The following KIAA1217 variants were observed in gnomAD, a reference collection of about 807,000 sequenced individuals.
KIAA1217 encodes the protein KIAA1217.
KIAA1217 carries 88 observed loss-of-function variants against 163.9 expected under a neutral mutation model. That is an observed-to-expected ratio of 0.54 (90% CI 0.45 to 0.64). KIAA1217 has a LOEUF of 0.64. KIAA1217 is among the 30% of genes least tolerant of loss of function. The pLI, the probability that KIAA1217 is intolerant of heterozygous loss-of-function variation, is 0.00. For synonymous variants in KIAA1217, 903 were observed against 923.1 expected, an observed-to-expected ratio of 0.98 and a Z score of 0.39; for missense variants, 2,372 against 2,475.0, an observed-to-expected ratio of 0.96 and a Z score of 0.88.
intron 3 of KIAA1217, among the ~76,000 whole-genome samples, chr10:24,392,564 G>T (rs1591557336): frequency 1.3e-5 from 2 of 152,212 alleles, no homozygotes; most frequent in South Asian, 4.1e-4. Context: ...GGTAACTTCA[G>T]CTGAAGAGGA....
chr10:24,004,529 G>A (rs1013009625), intron 1 of KIAA1217, among the ~76,000 whole-genome samples: 28 of 152,106 alleles, frequency 1.8e-4, no homozygotes, highest in African/African-American at 6.3e-4. Context: ...TCCCCAATTA[G>A]TCTGAATTCT....
chr10:24,400,574 G>T (rs2056407370), intron 3 of KIAA1217, among the ~76,000 whole-genome samples: 1 of 152,274 alleles, frequency 6.6e-6, no homozygotes, highest in South Asian at 2.1e-4. Context: ...CTCCAAAGGG[G>T]ACAAGGAAGT....
intron 8 of KIAA1217, among the ~76,000 whole-genome samples, chr10:24,499,471 G>A (rs539470097): frequency 3.3e-5 from 5 of 152,298 alleles, no homozygotes; most frequent in South Asian, 2.1e-4. Context: ...GGTGGCCCAC[G>A]CCTGTAATCC....
At chr10:23,854,725 T>C (rs942388028) in intron 1 of KIAA1217, among the ~76,000 whole-genome samples, 2 of 152,236 alleles carry the variant, frequency 1.3e-5, no homozygotes, top group African/African-American at 2.4e-5. Flanking sequence ...ATATTTAGGA[T>C]AGTTAGCTCT....
chr10:23,748,836 G>A (rs746121043), intron 1 of KIAA1217, among the ~76,000 whole-genome samples: 7 of 152,024 alleles, frequency 4.6e-5, no homozygotes, highest in Non-Finnish European at 8.8e-5. Flanking sequence ...ATGTAGTAAA[G>A]GCTTTGCTGT....
At chr10:24,247,095 C>T (rs1293240540) in intron 2 of KIAA1217, among the ~76,000 whole-genome samples, 1 of 148,996 alleles carries the variant, frequency 6.7e-6, no homozygotes, top group African/African-American at 2.5e-5. Flanking sequence ...GGCTTAGTCT[C>T]ATAGTCTATC....
At chr10:23,952,192 T>C (rs1449717217) in intron 1 of KIAA1217, among the ~76,000 whole-genome samples, 2 of 152,250 alleles carry the variant, frequency 1.3e-5, no homozygotes, top group East Asian at 3.8e-4. Flanking sequence ...CCATCTGCGA[T>C]CCCAGCATTT....
intron 1 of KIAA1217, among the ~76,000 whole-genome samples, chr10:23,881,880 A>C (rs1840963860): frequency 6.6e-6 from 1 of 151,806 alleles, no homozygotes; most frequent in South Asian, 2.1e-4. Context: ...CATCAACTCC[A>C]TCTTGCCTGG....
At chr10:24,000,542 A>T (rs1442885006) in intron 1 of KIAA1217, among the ~76,000 whole-genome samples, 1 of 152,196 alleles carries the variant, frequency 6.6e-6, no homozygotes, top group Non-Finnish European at 1.5e-5. Flanking sequence ...GTATGTCCTT[A>T]TAGCAGTATG....
intron 1 of KIAA1217, among the ~76,000 whole-genome samples, chr10:23,989,856 AGTGACT>A (rs780541449): frequency 6.6e-6 from 1 of 152,196 alleles, no homozygotes; most frequent in Non-Finnish European, 1.5e-5. Context: ...TGCACACACT[AGTGACT>A]GCACATTGCT....
At chr10:23,927,059 CACCA>C (rs1843050742) in intron 1 of KIAA1217, among the ~76,000 whole-genome samples, 1 of 151,498 alleles carries the variant, frequency 6.6e-6, no homozygotes, top group South Asian at 2.1e-4. Flanking sequence ...AGGCATGTAC[CACCA>C]TGCCTGGCTA....
intron 1 of KIAA1217, among the ~76,000 whole-genome samples, chr10:23,886,037 AC>A (rs1436832458): frequency 2.0e-5 from 3 of 151,828 alleles, no homozygotes; most frequent in Admixed American, 6.6e-5. Context: ...AAACGTACTT[AC>A]GCGTATTTCC....
intron 2 of KIAA1217, among the ~76,000 whole-genome samples, chr10:24,027,795 G>A (rs1208221992): frequency 6.6e-6 from 1 of 152,026 alleles, no homozygotes; most frequent in East Asian, 1.9e-4. Flanking sequence ...AAAGGACTAA[G>A]AATTCCCGGG....
intron 2 of KIAA1217, among the ~76,000 whole-genome samples, chr10:24,329,920 G>A (rs1270069068): frequency 6.6e-6 from 1 of 152,172 alleles, no homozygotes; most frequent in Non-Finnish European, 1.5e-5. Context: ...ATGGAGGCAA[G>A]AAAATCTCTA....
intron 2 of KIAA1217, among the ~76,000 whole-genome samples, chr10:24,140,689 A>G (rs367893354): frequency 6.6e-6 from 1 of 152,154 alleles, no homozygotes; most frequent in Non-Finnish European, 1.5e-5. Context: ...TCCATTTAAT[A>G]TTTTTGAACT....
At chr10:23,699,062 C>T (rs1225653834) in intron 1 of KIAA1217, among the ~76,000 whole-genome samples, 1 of 152,060 alleles carries the variant, frequency 6.6e-6, no homozygotes, top group Non-Finnish European at 1.5e-5. Context: ...TTCTCTCATT[C>T]TCTCTGGCTC....
chr10:24,067,160 G>A (rs7909280), intron 2 of KIAA1217, among the ~76,000 whole-genome samples: 7,137 of 152,102 alleles, frequency 0.047, 242 homozygotes, highest in African/African-American at 0.099. Context: ...GTCATTCCCC[G>A]TCCAGCTTTG....
chr10:23,940,460 C>CAAA (rs760090400), intron 1 of KIAA1217, among the ~76,000 whole-genome samples: 48 of 45,992 alleles, frequency 1.0e-3, no homozygotes, highest in Admixed American at 1.9e-3. Flanking sequence ...GACTCCGTCT[C>CAAA]AAAAAAAAAA....
At chr10:24,477,595 C>G (rs753351626) in intron 6 of KIAA1217, among the ~76,000 whole-genome samples, 3 of 152,206 alleles carry the variant, frequency 2.0e-5, no homozygotes, top group Non-Finnish European at 4.4e-5. Flanking sequence ...TGCTAAGTAA[C>G]TGCTCCTAAA....
Sources: gnomAD v4.1 joint callset for allele counts (sites outside exome capture counted in the v4.1 genomes callset) on GRCh38, gnomAD v4.1.1 for gene constraint, MANE v1.5 for transcripts, NCBI Gene and HGNC (gene_info 2026-07-23, HGNC 2026-07-21) for gene names.